The following FHIT variants were observed in gnomAD, a reference collection of about 807,000 sequenced individuals.
The protein encoded by FHIT is bis(5'-adenosyl)-triphosphatase.
Under a neutral mutation model 17.9 loss-of-function variants are expected in FHIT, and 19 were observed. The observed-to-expected ratio is 1.06, with a 90% CI of 0.74 to 1.56. The LOEUF is 1.56. Ranked by LOEUF, FHIT falls within the 40% of genes most tolerant of loss-of-function variation. The pLI is 0.00. For missense variants in FHIT, 248 were observed against 189.2 expected, an observed-to-expected ratio of 1.31 and a Z score of -1.82; for synonymous variants, 81 against 69.7, an observed-to-expected ratio of 1.16 and a Z score of -0.81.
At chr3:60,764,746 T>C (rs1699790167) in intron 4 of FHIT, among the ~76,000 whole-genome samples, 1 of 150,942 alleles carries the variant, frequency 6.6e-6, no homozygotes, top group African/African-American at 2.4e-5. Flanking sequence ...TATGTGTTAA[T>C]ATACAACATA....
intron 5 of FHIT, among the ~76,000 whole-genome samples, chr3:60,077,706 A>C (rs1285405067): frequency 1.9e-5 from 2 of 103,762 alleles, no homozygotes; most frequent in African/African-American, 8.6e-5. Context: ...ACACACACAC[A>C]CACACACACA....
chr3:60,519,183 G>C (rs578204859), intron 5 of FHIT, among the ~76,000 whole-genome samples: 1 of 152,274 alleles, frequency 6.6e-6, no homozygotes, highest in East Asian at 1.9e-4. Context: ...TAAGATTATA[G>C]ATGGTTTTTA....
chr3:60,364,224 T>C (rs1353843586), intron 5 of FHIT, among the ~76,000 whole-genome samples: 1 of 152,250 alleles, frequency 6.6e-6, no homozygotes, highest in Non-Finnish European at 1.5e-5. Context: ...TCCATGCTTT[T>C]CTACACCTCT....
intron 5 of FHIT, among the ~76,000 whole-genome samples, chr3:60,376,349 C>G (rs1292986461): frequency 2.0e-5 from 3 of 151,982 alleles, no homozygotes; most frequent in African/African-American, 7.3e-5. Flanking sequence ...AAGTGAATAC[C>G]AAAGGTTCAT....
chr3:60,710,604 C>T (rs572385335), intron 4 of FHIT, among the ~76,000 whole-genome samples: 14 of 152,304 alleles, frequency 9.2e-5, no homozygotes, highest in Middle Eastern at 3.4e-3. Flanking sequence ...TAGGAAATGG[C>T]GCACCAGGAG....
chr3:60,960,330 A>G (rs1455667405), intron 3 of FHIT, among the ~76,000 whole-genome samples: 1 of 152,198 alleles, frequency 6.6e-6, no homozygotes, highest in Non-Finnish European at 1.5e-5. Context: ...AGAGCACTTC[A>G]CTGTTGCTCT....
chr3:61,007,954 C>T (rs1342894715), intron 3 of FHIT, among the ~76,000 whole-genome samples: 1 of 152,114 alleles, frequency 6.6e-6, no homozygotes, highest in Non-Finnish European at 1.5e-5. Context: ...GCAGAACTGA[C>T]CCTGTAGTAT....
chr3:60,455,576 GAAT>G (rs1469509289), intron 5 of FHIT, among the ~76,000 whole-genome samples: 2 of 152,038 alleles, frequency 1.3e-5, no homozygotes, highest in Non-Finnish European at 2.9e-5. Flanking sequence ...GCTTTAGTAT[GAAT>G]AATAATTATT....
At chr3:59,898,382 T>C (rs1704168625) in intron 8 of FHIT, among the ~76,000 whole-genome samples, 1 of 152,088 alleles carries the variant, frequency 6.6e-6, no homozygotes, top group African/African-American at 2.4e-5. Flanking sequence ...AGTCAATATG[T>C]ATGACCTTCA....
intron 3 of FHIT, among the ~76,000 whole-genome samples, chr3:60,845,847 T>A (rs1324282951): frequency 6.6e-6 from 1 of 152,164 alleles, no homozygotes; most frequent in African/African-American, 2.4e-5. Flanking sequence ...TAAATTTATA[T>A]GAAAACATTG....
intron 7 of FHIT, among the ~76,000 whole-genome samples, chr3:59,971,883 C>A (rs1488873193): frequency 1.3e-5 from 2 of 152,118 alleles, no homozygotes; most frequent in Admixed American, 1.3e-4. Context: ...TAAATGGCAA[C>A]AAAATATAAT....
At chr3:59,793,058 T>A (rs943650583) in intron 8 of FHIT, among the ~76,000 whole-genome samples, 1 of 152,122 alleles carries the variant, frequency 6.6e-6, no homozygotes, top group Admixed American at 6.6e-5. Context: ...TCTGCCCAGA[T>A]CATCATTTTC....
chr3:60,395,939 G>A (rs1056646587), intron 5 of FHIT, among the ~76,000 whole-genome samples: 4 of 152,142 alleles, frequency 2.6e-5, no homozygotes, highest in African/African-American at 9.7e-5. Flanking sequence ...AGACTACAGA[G>A]GTACCTGTCC....
At chr3:61,104,591 T>G (rs1460826482) in intron 2 of FHIT, among the ~76,000 whole-genome samples, 1 of 152,160 alleles carries the variant, frequency 6.6e-6, no homozygotes, top group Non-Finnish European at 1.5e-5. Context: ...TTCTCTGTAT[T>G]TCCTAAATTT....
chr3:60,623,459 T>A (rs1553679513), intron 4 of FHIT, among the ~76,000 whole-genome samples: 1 of 152,222 alleles, frequency 6.6e-6, no homozygotes, highest in African/African-American at 2.4e-5. Context: ...AGGATTTATA[T>A]CCCATCATTT....
At chr3:60,748,569 T>C (rs1553715983) in intron 4 of FHIT, among the ~76,000 whole-genome samples, 3 of 152,184 alleles carry the variant, frequency 2.0e-5, no homozygotes, top group Non-Finnish European at 1.5e-5. Context: ...CCCAGCACTT[T>C]GGGAGGCCGA....
chr3:61,041,548 A>G (rs1485951929), intron 3 of FHIT, among the ~76,000 whole-genome samples: 3 of 152,036 alleles, frequency 2.0e-5, no homozygotes, highest in East Asian at 1.9e-4. Flanking sequence ...CCTTCTTTTT[A>G]CTGATATAAT....
intron 2 of FHIT, among the ~76,000 whole-genome samples, chr3:61,186,809 C>A (rs1023997460): frequency 6.6e-6 from 1 of 152,146 alleles, no homozygotes; most frequent in African/African-American, 2.4e-5. Flanking sequence ...GACATAGTTG[C>A]AAGATTCAGA....
intron 5 of FHIT, among the ~76,000 whole-genome samples, chr3:60,248,811 CCT>C (rs1201663309): frequency 6.6e-6 from 1 of 152,094 alleles, no homozygotes; most frequent in Non-Finnish European, 1.5e-5. Flanking sequence ...GTGACTCACC[CCT>C]TTTTCTTCCC....
Sources: allele counts gnomAD v4.1 joint callset (sites outside exome capture counted in the v4.1 genomes callset), GRCh38; gene constraint gnomAD v4.1.1; transcripts MANE v1.5; gene names NCBI Gene and HGNC (gene_info 2026-07-23, HGNC 2026-07-21).